Variants in MAF observed in about 807,000 individuals in gnomAD.
The protein encoded by MAF is MAF bZIP transcription factor.
In MAF, 10 loss-of-function variants were observed where a neutral mutation model predicts 22.0. The ratio of observed to expected loss-of-function variants is 0.45; its 90% CI spans 0.28 to 0.77. The LOEUF (loss-of-function observed/expected upper bound fraction) is 0.77, where lower values mean the gene tolerates loss of function less well. Among genes scored for constraint, MAF ranks in the 30% least tolerant of loss-of-function variants. The probability of loss-of-function intolerance (pLI) is 0.12; values close to 1 mark genes in which losing one functional copy is unlikely to be tolerated. For synonymous variants in MAF, 337 were observed against 255.8 expected (o/e 1.32, Z -3.03); for missense variants, 544 against 548.4 (o/e 0.99, Z 0.08).
chr16:79,338,824 C>T, the MAF span, among the ~76,000 whole-genome samples: 1 of 152,090 alleles, frequency 6.6e-6, no homozygotes, highest in South Asian at 2.1e-4. Context: ...AAGGGGAAAT[C>T]CTAATTTCTC....
chr16:79,313,490 G>C, the MAF span, among the ~76,000 whole-genome samples: 1 of 152,144 alleles, frequency 6.6e-6, no homozygotes, highest in African/African-American at 2.4e-5. Context: ...CTGTAAAAAC[G>C]GACTGTTCCC....
chr16:79,235,449 C>A, the MAF span, among the ~76,000 whole-genome samples: 1 of 151,962 alleles, frequency 6.6e-6, no homozygotes, highest in African/African-American at 2.4e-5. Context: ...GTAGTCCCAG[C>A]TACACTGGAG....
the MAF span, among the ~76,000 whole-genome samples, chr16:79,510,373 A>G: frequency 1.3e-5 from 2 of 152,162 alleles, no homozygotes; most frequent in East Asian, 3.9e-4. Flanking sequence ...CTGAGGTTTT[A>G]TTAATGTTTT....
chr16:79,567,512 A>T, the MAF span, among the ~76,000 whole-genome samples: 26 of 152,356 alleles, frequency 1.7e-4, no homozygotes, highest in Non-Finnish European at 2.9e-4. Flanking sequence ...TTTTAAAAAA[A>T]GTAAGTAAAA....
At chr16:79,230,172 G>C in the MAF span, among the ~76,000 whole-genome samples, 29 of 152,066 alleles carry the variant, frequency 1.9e-4, no homozygotes, top group African/African-American at 5.8e-4. Context: ...TTCTTACACA[G>C]TTAACTTTCT....
the MAF span, among the ~76,000 whole-genome samples, chr16:79,448,308 C>A: frequency 6.6e-6 from 1 of 151,548 alleles, no homozygotes; most frequent in African/African-American, 2.4e-5. Flanking sequence ...CAGCAGCCAT[C>A]GGAATAGAGG....
the MAF span, among the ~76,000 whole-genome samples, chr16:79,265,206 A>C: frequency 3.9e-5 from 6 of 152,206 alleles, no homozygotes; most frequent in South Asian, 8.3e-4. Context: ...ATAAGGATGT[A>C]TTCCCCCTGT....
the MAF span, among the ~76,000 whole-genome samples, chr16:79,547,699 T>C: frequency 0.12 from 17,706 of 152,172 alleles, 1,161 homozygotes; most frequent in South Asian, 0.17. Context: ...CTGAAGTCTT[T>C]AAAGGCCTGT....
chr16:79,552,270 G>C, the MAF span, among the ~76,000 whole-genome samples: 1 of 151,912 alleles, frequency 6.6e-6, no homozygotes, highest in East Asian at 2.0e-4. Context: ...TTGGAGTGCA[G>C]TTCAGCAACC....
At chr16:79,218,957 T>C in the MAF span, among the ~76,000 whole-genome samples, 4 of 152,334 alleles carry the variant, frequency 2.6e-5, no homozygotes, top group East Asian at 1.9e-4. Context: ...CTTAGGTATT[T>C]ACCCCACTAG....
intron 1 of MAF, chr16:79,597,951 A>G (rs529493684): frequency 2.9e-6 from 3 of 1,043,822 alleles, no homozygotes; most frequent in South Asian, 4.6e-5. Context: ...ATTTGGCATC[A>G]CAAGGCCAAA....
the MAF span, among the ~76,000 whole-genome samples, chr16:79,234,187 GT>G: frequency 5.3e-5 from 8 of 151,678 alleles, no homozygotes; most frequent in Non-Finnish European, 1.0e-4. Context: ...ACACACAGTG[GT>G]TTTTTTTGGC....
the MAF span, among the ~76,000 whole-genome samples, chr16:79,562,921 A>G: frequency 6.6e-6 from 1 of 152,210 alleles, no homozygotes; most frequent in Non-Finnish European, 1.5e-5. Context: ...TCCAAATCAA[A>G]TTCAAACAAA....
the MAF span, among the ~76,000 whole-genome samples, chr16:79,461,234 G>C: frequency 6.6e-6 from 1 of 152,146 alleles, no homozygotes; most frequent in Non-Finnish European, 1.5e-5. Flanking sequence ...CTTTCTTAGA[G>C]GTGATATATT....
At chr16:79,477,408 C>G in the MAF span, among the ~76,000 whole-genome samples, 8 of 152,116 alleles carry the variant, frequency 5.3e-5, no homozygotes, top group Non-Finnish European at 1.2e-4. Context: ...TAAAGAAGGC[C>G]AGCCTCCACG....
chr16:79,539,661 G>C, the MAF span, among the ~76,000 whole-genome samples: 5 of 152,296 alleles, frequency 3.3e-5, 1 homozygote, highest in African/African-American at 9.6e-5. Context: ...GAAAAATGGA[G>C]ACAATCTAAA....
At chr16:79,414,762 A>C in the MAF span, among the ~76,000 whole-genome samples, 1 of 152,212 alleles carries the variant, frequency 6.6e-6, no homozygotes, top group African/African-American at 2.4e-5. Flanking sequence ...AATCAGGAAA[A>C]ACTGTATTAG....
chr16:79,228,664 T>C, the MAF span, among the ~76,000 whole-genome samples: 2 of 152,042 alleles, frequency 1.3e-5, no homozygotes, highest in African/African-American at 4.8e-5. Flanking sequence ...GCATGAAAGA[T>C]AGAGGAAAAG....
the MAF span, among the ~76,000 whole-genome samples, chr16:79,436,956 T>C: frequency 9.9e-5 from 15 of 152,188 alleles, no homozygotes; most frequent in African/African-American, 3.6e-4. Context: ...TGATACTCCT[T>C]TGAAAGTGAG....
Sources: allele counts gnomAD v4.1 joint callset (sites outside exome capture counted in the v4.1 genomes callset), GRCh38; gene constraint gnomAD v4.1.1; transcripts MANE v1.5; gene names NCBI Gene and HGNC (gene_info 2026-07-23, HGNC 2026-07-21).